RNASEH1: variants seen among roughly 807,000 people sequenced by gnomAD.
RNASEH1 encodes ribonuclease H type II.
In RNASEH1, 27 loss-of-function variants were observed where a neutral mutation model predicts 34.6. The ratio of observed to expected loss-of-function variants is 0.78; its 90% CI spans 0.58 to 1.08. The LOEUF is 1.08. Ranked by LOEUF, RNASEH1 falls within the 50% of genes least tolerant of loss-of-function variation. The pLI, the probability that RNASEH1 is intolerant of heterozygous loss-of-function variation, is 0.00. For missense variants in RNASEH1, 349 were observed against 373.6 expected (o/e 0.93, Z 0.54); for synonymous variants, 162 against 138.4 (o/e 1.17, Z -1.20).
chr2:3,540,402 T>G (rs1668232484), downstream of RNASEH1, among the ~76,000 whole-genome samples: 1 of 152,120 alleles, frequency 6.6e-6, no homozygotes, highest in Admixed American at 6.5e-5. Context: ...TCTGCTGTAC[T>G]GACATCACTT....
At chr2:3,532,416 T>C in the RNASEH1 span, 25 of 698,928 alleles carry the variant, frequency 3.6e-5, no homozygotes, top group Middle Eastern at 6.9e-4. Context: ...TGAAACATGC[T>C]GAGTGCTGAA....
chr2:3,556,837 C>T lies in RNASEH1; in HGVS notation c.196G>A (p.Glu66Lys). Residue 66 changes from glutamate (E) to lysine (K), a missense_variant, in exon 2 of 8, where the codon GAG (glutamate) becomes AAG (lysine). Glu to Lys is a moderately conservative substitution (Grantham distance 56). This residue lies in a region of RNASEH1 where 256 missense variants were observed against 240.7 expected (regional missense o/e 1.06). Transcript: ENST00000315212. ...GATTTCCTGACAAAGGCCCAGGCCT[C>T]ATCCTCTGTGGCAAACTTCTTAAAT... ...ARFKKFATED[E>K]AWAFVRKSAS... is the part of the protein sequence containing the mutation. 6.2e-7 allele frequency: 1 copy of T among 1,614,116 alleles called. No homozygotes were observed. Among genetic ancestry groups the T allele is most frequent in the Non-Finnish European group, 8.5e-7 (1 of 1,179,928 alleles).
In RNASEH1 at chr2:3,545,595, C is replaced by T; in HGVS notation, c.*190G>A. The T allele has an allele frequency of 1.7e-6, 1 of 575,992 alleles. No homozygotes were observed. The highest frequency in any genetic ancestry group is 3.1e-6 in the Non-Finnish European group (1 of 321,482). The allele number at this position is 575,992 out of a possible 1,614,324, so 35.7% of individuals were successfully genotyped here. On this transcript the variant is annotated 3_prime_UTR_variant, in exon 8 of 8. Transcript: ENST00000315212. ...ATAATTCTCCAATCTCAAAGATGTT[C>T]AATTTATTATATACTTAACCATTTT...
chr2:3,547,259 C>T (rs1224739109), intron 7 of RNASEH1, among the ~76,000 whole-genome samples: 1 of 152,184 alleles, frequency 6.6e-6, no homozygotes, highest in Non-Finnish European at 1.5e-5. Flanking sequence ...CTCACTGCAA[C>T]CTCGACCTCC....
the RNASEH1 span, chr2:3,533,181 G>A: frequency 3.9e-5 from 6 of 152,288 alleles, no homozygotes; most frequent in Non-Finnish European, 7.3e-5. Flanking sequence ...GTCTGGTTCT[G>A]TTCCAAGAGC....
At chr2:3,546,504 C>T (rs55708801) in intron 7 of RNASEH1, among the ~76,000 whole-genome samples, 2,050 of 152,322 alleles carry the variant, frequency 0.013, 40 homozygotes, top group African/African-American at 0.046. Flanking sequence ...AAACAAAATA[C>T]ACTGATAGTT....
intron 1 of RNASEH1, among the ~76,000 whole-genome samples, chr2:3,557,500 T>G (rs546708687): frequency 6.6e-6 from 1 of 152,248 alleles, no homozygotes; most frequent in Non-Finnish European, 1.5e-5. Flanking sequence ...TCCTCAATAC[T>G]GTAGCTGCCG....
chr2:3,538,993 G>GT (rs1209211499), downstream of RNASEH1, among the ~76,000 whole-genome samples: 3 of 152,112 alleles, frequency 2.0e-5, no homozygotes, highest in Non-Finnish European at 2.9e-5. Context: ...AGGGCCATGA[G>GT]TATTTCTTTT....
rs1331165749 is a variant in RNASEH1 at position 3,549,129 on chromosome 2, C to A, written c.510-17G>T. 6.3e-7 allele frequency: 1 copy of A among 1,599,920 alleles called. No individual in the cohort carries two copies. Among genetic ancestry groups the A allele is most frequent in the Non-Finnish European group, 8.6e-7 (1 of 1,168,186 alleles). On this transcript the variant is annotated splice_polypyrimidine_tract_variant and intron_variant, in intron 4 of 7. Transcript: ENST00000315212. ...CCTACATTTCTGTTTCAAAACAGTA[C>A]AAAAGAAAATAAAAGTATAAAGTGA...
intron 7 of RNASEH1, among the ~76,000 whole-genome samples, chr2:3,547,516 C>CTCATA (rs1356789061): frequency 6.7e-6 from 1 of 149,368 alleles, no homozygotes; most frequent in Non-Finnish European, 1.5e-5. Flanking sequence ...GTCTTGGAGT[C>CTCATA]TCATATCGTT....
intron 7 of RNASEH1, among the ~76,000 whole-genome samples, chr2:3,546,822 T>C (rs1238081213): frequency 1.3e-5 from 2 of 152,198 alleles, no homozygotes; most frequent in Non-Finnish European, 2.9e-5. Flanking sequence ...GTAAACCTTT[T>C]TGTCATAAAA....
intron 3 of RNASEH1, among the ~76,000 whole-genome samples, chr2:3,551,326 C>G (rs893869971): frequency 1.3e-5 from 2 of 152,210 alleles, no homozygotes; most frequent in Admixed American, 1.3e-4. Flanking sequence ...GCTTCCCACC[C>G]AGCCACTGAA....
At chr2:3,547,825 T>A in intron 7 of RNASEH1, 106 bp downstream of exon 7, 5 of 1,089,948 alleles carry the variant, frequency 4.6e-6, no homozygotes, top group Non-Finnish European at 5.5e-6. Context: ...ATTAATATCA[T>A]GGAAATTGTT....
chr2:3,546,227 G>A (rs1668736706), intron 7 of RNASEH1, among the ~76,000 whole-genome samples: 1 of 152,198 alleles, frequency 6.6e-6, no homozygotes, highest in African/African-American at 2.4e-5. Context: ...TTCCCTTGCA[G>A]TGCTGTCAGA....
chr2:3,551,068 T>C (rs577098449), intron 3 of RNASEH1, among the ~76,000 whole-genome samples: 2 of 152,198 alleles, frequency 1.3e-5, no homozygotes, highest in Admixed American at 6.5e-5. Flanking sequence ...GACACTTCAG[T>C]AGTGTGGTGG....
chr2:3,532,271 G>A, the RNASEH1 span: 78 of 702,098 alleles, frequency 1.1e-4, no homozygotes, highest in Non-Finnish European at 1.8e-4. Flanking sequence ...ATCTCCTCCC[G>A]TTTGACAAAG....
At chr2:3,548,870 T>C in intron 5 of RNASEH1, 146 bp from the exon 6 acceptor site, 1 of 754,498 alleles carries the variant, frequency 1.3e-6, no homozygotes, top group South Asian at 1.7e-5. Context: ...AATTCTCCTG[T>C]GTAGACATCT....
chr2:3,548,149 T>C (rs1224670826), intron 6 of RNASEH1, 94 bp from the exon 7 acceptor site: 12 of 1,457,686 alleles, frequency 8.2e-6, no homozygotes, highest in African/African-American at 1.4e-5. Context: ...CCCACTTGTA[T>C]TCTGAGTCAC....
rs570955978 is a variant in RNASEH1, at chr2:3,558,208, C to G, written c.53G>C (p.Cys18Ser). The G allele has an allele frequency of 1.2e-6, 2 of 1,600,428 alleles. No homozygotes were observed. The highest frequency in any genetic ancestry group is 2.3e-5 in the East Asian group (1 of 43,616). ...AHRVALAALP[C>S]RRGSRGFGMF... The stretch of plus-strand genomic sequence containing the variant: ...CCCGAACCCGCGAGAGCCGCGGCGG[C>G]AGGGCAAGGCGGCCAAGGCGACTCT... The change falls in exon 1 of 8, where the codon TGC becomes TCC. Residue 18 changes from cysteine (C) to serine (S), a missense_variant. Transcript: ENST00000315212.
Sources: allele counts gnomAD v4.1 joint callset (sites outside exome capture counted in the v4.1 genomes callset), GRCh38; gene constraint gnomAD v4.1.1; regional missense constraint gnomAD v4.1.1; transcripts MANE v1.5; gene names NCBI Gene and HGNC (gene_info 2026-07-23, HGNC 2026-07-21).